Variants in SLCO4A1 observed in about 807,000 individuals in gnomAD.
The protein encoded by SLCO4A1 is solute carrier organic anion transporter family member 4A1, also known as colon organic anion transporter.
A neutral mutation model predicts 64.6 loss-of-function variants in SLCO4A1; 51 were observed. The ratio of observed to expected loss-of-function variants is 0.79; its 90% CI spans 0.63 to 1.00. The LOEUF is 1.00. Ranked by LOEUF, SLCO4A1 falls within the 50% of genes least tolerant of loss-of-function variation. SLCO4A1 has a pLI of 0.00. For missense variants in SLCO4A1, 919 were observed against 980.5 expected (o/e 0.94, Z 0.84); for synonymous variants, 471 against 444.9 (o/e 1.06, Z -0.74).
chr20:62,657,892 G>A (rs369500246), intron 2 of SLCO4A1, among the ~76,000 whole-genome samples: 27 of 152,212 alleles, frequency 1.8e-4, no homozygotes, highest in East Asian at 9.6e-4. Context: ...AGCTATCTAA[G>A]AGTAAAGATC....
Position 62,645,240 on chromosome 20 carries a change from G to A in SLCO4A1, c.-97+2687G>A, listed in dbSNP as rs1981091341. ...GGAGGTGCCAGTAACTCACATGCTA[G>A]GTTAACAGGTTCTGGGTGACTCTGA... On this transcript the variant is annotated intron_variant, in intron 1 of 11. Coordinates refer to ENST00000217159, the MANE Select transcript of SLCO4A1 (RefSeq NM_016354.4). This position sits in a 1 kb window ranked among gnomAD's most constrained non-coding sequence, Gnocchi z 4.2. 6.6e-6 allele frequency among the ~76,000 whole-genome samples: 1 copy of A among 152,154 alleles called. No individual in the cohort carries two copies. The highest frequency in any genetic ancestry group is 2.4e-5 in the African/African-American group (1 of 41,436).
rs1325083656 is a variant in SLCO4A1, at chr20:62,666,375, CCCAGGGTACCTGGTGGTGCCAGCGGG to C, written c.1277-4_1298del. The C allele has an allele frequency of 6.8e-6, 11 of 1,612,078 alleles. No homozygotes were observed. In the African/African-American group the frequency reaches 1.5e-4, roughly 22 times the overall value. On this transcript the variant is annotated splice_acceptor_variant and splice_polypyrimidine_tract_variant and coding_sequence_variant and intron_variant, in exon 7 of 12. Coordinates refer to ENST00000217159, the MANE Select transcript of SLCO4A1 (RefSeq NM_016354.4). LOFTEE classifies it high-confidence loss of function. ...GTCCCTGGCTGAATCCCTCCCTCTC[CCCAGGGTACCTGGTGGTGCCAGCGGG>C]TGGTGGCGGCACCTTCCTGGGCGGC...
chr20:62,667,627 G>A, intron 7 of SLCO4A1, 118 bp from the exon 8 acceptor site: 1 of 1,280,458 alleles, frequency 7.8e-7, no homozygotes, highest in East Asian at 2.3e-5. Context: ...AGCTTGGCAA[G>A]TTTGTAGACC....
At position 62,661,040 on chromosome 20, in the gene SLCO4A1, C is replaced by CCCCCCCCCCCCCCCCCA; in HGVS notation, c.1010-23_1010-22insCCCCCCCCCCCCCCCAC. ...CTCCGGGAGCCCCCAGCCCCCAGCC[C>CCCCCCCCCCCCCCCCCA]CAGCTCACTCTGTGCCCTTCCAGGC... On this transcript the variant is annotated intron_variant, in intron 4 of 11. Transcript: ENST00000217159. This position sits in a 1 kb window ranked among gnomAD's most constrained non-coding sequence, Gnocchi z 5.2. 8.6e-6 allele frequency: 12 copies of CCCCCCCCCCCCCCCCCA among 1,395,902 alleles called. No homozygotes were observed. Among genetic ancestry groups the CCCCCCCCCCCCCCCCCA allele is most frequent in the Non-Finnish European group, 1.2e-5 (12 of 984,506 alleles). 86.5% of individuals were successfully genotyped at this position (1,395,902 alleles called of 1,614,324 possible). A position where few individuals can be genotyped will look rare whatever the true frequency, so the allele number is the denominator to read the frequency against.
intron 1 of SLCO4A1, among the ~76,000 whole-genome samples, chr20:62,653,186 G>A (rs1982933020): frequency 6.6e-6 from 1 of 152,218 alleles, no homozygotes; most frequent in South Asian, 2.1e-4. Flanking sequence ...TCGCTGAGAG[G>A]GCGAGACCTC....
At chr20:62,678,038 G>A (rs1424910976) in intron 2 of SLCO4A1, among the ~76,000 whole-genome samples, 1 of 152,202 alleles carries the variant, frequency 6.6e-6, no homozygotes, top group African/African-American at 2.4e-5. Context: ...GTAAAGGCTT[G>A]AAAGAAAGTG....
At chr20:62,688,167 G>A (rs1988126127), downstream of SLCO4A1, among the ~76,000 whole-genome samples, 2 of 152,102 alleles carry the variant, frequency 1.3e-5, no homozygotes, top group African/African-American at 4.8e-5. Context: ...TGACTCACAC[G>A]CCACCCCATA....
At chr20:62,673,030 G>T (rs1053685706), downstream of SLCO4A1, among the ~76,000 whole-genome samples, 2 of 143,510 alleles carry the variant, frequency 1.4e-5, 1 homozygote, top group Non-Finnish European at 3.2e-5. Flanking sequence ...CCAAATTAGG[G>T]TACAATCCGG....
downstream of SLCO4A1, among the ~76,000 whole-genome samples, chr20:62,674,115 T>C (rs572788378): frequency 1.4e-3 from 213 of 152,326 alleles, no homozygotes; most frequent in African/African-American, 4.4e-3. Context: ...TTTCGGCGGA[T>C]GCCTGCCCTC....
intron 1 of SLCO4A1, among the ~76,000 whole-genome samples, chr20:62,654,600 A>C (rs1983301064): frequency 6.6e-6 from 1 of 152,208 alleles, no homozygotes; most frequent in Non-Finnish European, 1.5e-5. Flanking sequence ...AGCCCTGAGC[A>C]TGGCTGATGT....
At chr20:62,653,402 G>C (rs1162798472) in intron 1 of SLCO4A1, among the ~76,000 whole-genome samples, 2 of 152,178 alleles carry the variant, frequency 1.3e-5, no homozygotes, top group Non-Finnish European at 2.9e-5. Flanking sequence ...TGACCATGCT[G>C]GGCCCGGTTT....
rs200742188 is a variant in SLCO4A1, at chr20:62,656,964, G to T, written c.510G>T (p.Pro170=). The stretch of plus-strand genomic sequence containing the variant: ...ACTTCGGGGGCTCAGGGCACAAGCC[G>T]CGCTGGCTGGGCTGGGGCGTGCTGC... The part of the protein sequence containing the change: ...VSYFGGSGHK[P]RWLGWGVLLM... Residue 170 remains proline, a synonymous_variant, in exon 2 of 12, where the codon CCG becomes CCT. Coordinates refer to ENST00000217159, the MANE Select transcript of SLCO4A1 (RefSeq NM_016354.4). 43 of 1,564,248 alleles carry T rather than the reference G, an allele frequency of 2.7e-5. No homozygotes were observed. Among genetic ancestry groups the T allele is most frequent in the Non-Finnish European group, 3.7e-5 (43 of 1,150,066 alleles).
At chr20:62,663,955 C>G (rs183089268) in intron 5 of SLCO4A1, among the ~76,000 whole-genome samples, 1 of 152,318 alleles carries the variant, frequency 6.6e-6, no homozygotes, top group Admixed American at 6.5e-5. Flanking sequence ...CCTGCTCAGG[C>G]CTCCAATGCT....
At chr20:62,650,315 C>T (rs941007397) in intron 1 of SLCO4A1, 1 of 152,440 alleles carries the variant, frequency 6.6e-6, no homozygotes, top group Non-Finnish European at 1.5e-5. Context: ...CTTCCCCAAG[C>T]CCAGCTGCAA....
At chr20:62,682,282 T>TC (rs1306377889) in intron 2 of SLCO4A1, among the ~76,000 whole-genome samples, 1 of 152,204 alleles carries the variant, frequency 6.6e-6, no homozygotes, top group Admixed American at 6.5e-5. Flanking sequence ...GGGACAAGAC[T>TC]CTGGGCTTGA....
At chr20:62,654,154 C>T (rs1288963610) in intron 1 of SLCO4A1, among the ~76,000 whole-genome samples, 1 of 152,160 alleles carries the variant, frequency 6.6e-6, no homozygotes, top group Non-Finnish European at 1.5e-5. Context: ...CAGTGGCTCC[C>T]GGGGCTCCAG....
In SLCO4A1 at chr20:62,661,028, C is replaced by CAGCCCCT. The variant is rs750234287; in HGVS notation, c.1010-30_1010-29insTAGCCCC. ...GGAGAAGTCCACCTCCGGGAGCCCC[C>CAGCCCCT]AGCCCCCAGCCCCAGCTCACTCTGT... On this transcript the variant is annotated intron_variant, in intron 4 of 11. Transcript: ENST00000217159. This position sits in a 1 kb window ranked among gnomAD's most constrained non-coding sequence, Gnocchi z 5.2. 2.3e-6 allele frequency: 2 copies of CAGCCCCT among 873,992 alleles called. No homozygotes were observed. The highest frequency in any genetic ancestry group is 3.9e-6 in the Non-Finnish European group (2 of 513,672). 54.1% of individuals were successfully genotyped at this position (873,992 alleles called of 1,614,324 possible).
In SLCO4A1 at chr20:62,662,287, T is replaced by C. The variant is rs1985114334; in HGVS notation, c.1121+1112T>C. 2.0e-5 allele frequency among the ~76,000 whole-genome samples: 3 copies of C among 152,012 alleles called. No individual in the cohort carries two copies. In the South Asian group the frequency reaches 6.2e-4, roughly 32 times the overall value. ...CTGCCTGCTAAGGAGGGTGACCCCA[T>C]GGGCCAAGCTGACCCGGGGCCACGT... On this transcript the variant is annotated intron_variant, in intron 5 of 11. Transcript: ENST00000217159.
chr20:62,666,156 T>TTCCCCC, intron 6 of SLCO4A1: 1 of 129,704 alleles, frequency 7.7e-6, no homozygotes, highest in Admixed American at 8.9e-5. Flanking sequence ...CCCCTTCCCC[T>TTCCCCC]CTGAGGCATC....
Sources: gnomAD v4.1 joint callset for allele counts (sites outside exome capture counted in the v4.1 genomes callset) on GRCh38, gnomAD v4.1.1 for gene constraint, Gnocchi (gnomAD v3.1) non-coding constraint, MANE v1.5 for transcripts, NCBI Gene and HGNC (gene_info 2026-07-23, HGNC 2026-07-21) for gene names.